The following CCM2L variants were observed in gnomAD, a reference collection of about 807,000 sequenced individuals.
The protein encoded by CCM2L is cerebral cavernous malformations 2 protein-like.
A neutral mutation model predicts 54.1 loss-of-function variants in CCM2L; 36 were observed. The ratio of observed to expected loss-of-function variants is 0.67; its 90% CI spans 0.51 to 0.88. CCM2L has a LOEUF of 0.88. CCM2L is among the 40% of genes least tolerant of loss of function. The probability of loss-of-function intolerance (pLI) is 0.00; values close to 1 mark genes in which losing one functional copy is unlikely to be tolerated. For missense variants in CCM2L, 700 were observed against 812.1 expected (o/e 0.86, Z 1.68); for synonymous variants, 351 against 359.3 (o/e 0.98, Z 0.26).
Position 32,019,426 on chromosome 20 carries a change from C to T in CCM2L, c.933+17C>T. ...GCCAACAGGGTGAGCCCGAGGGCAG[C>T]CTGCTCCCAAAGCCCGGCTTCGGGA... On this transcript the variant is annotated intron_variant, in intron 5 of 9. Coordinates refer to ENST00000452892, the MANE Select transcript of CCM2L (RefSeq NM_001365692.1). 1 of 1,484,332 alleles carries T rather than the reference C, an allele frequency of 6.7e-7. No homozygotes were observed. Among genetic ancestry groups the T allele is most frequent in the Non-Finnish European group, 8.9e-7 (1 of 1,122,538 alleles). 91.9% of individuals were successfully genotyped at this position (1,484,332 alleles called of 1,614,324 possible). A position where few individuals can be genotyped will look rare whatever the true frequency, so the allele number is the denominator to read the frequency against.
intron 1 of CCM2L, among the ~76,000 whole-genome samples, chr20:32,013,549 C>G (rs951811162): frequency 6.6e-6 from 1 of 152,154 alleles, no homozygotes; most frequent in Non-Finnish European, 1.5e-5. Context: ...TCAGGTGATC[C>G]TCCCACCTTG....
intron 1 of CCM2L, 52 bp downstream of exon 1, chr20:32,010,536 G>C (rs1359861615): frequency 7.0e-7 from 1 of 1,438,376 alleles, no homozygotes; most frequent in Non-Finnish European, 9.5e-7. Flanking sequence ...CCAAAGCTGG[G>C]GAAGGGGGCA....
intron 3 of CCM2L, 24 bp from the exon 4 acceptor site, chr20:32,017,955 C>T: frequency 6.2e-7 from 1 of 1,613,318 alleles, no homozygotes; most frequent in Non-Finnish European, 8.5e-7. Context: ...ACCTCGGGAA[C>T]TCGAGATCTG....
intron 2 of CCM2L, among the ~76,000 whole-genome samples, chr20:32,016,578 C>T (rs1039393137): frequency 1.3e-5 from 2 of 151,818 alleles, no homozygotes; most frequent in Non-Finnish European, 2.9e-5. Flanking sequence ...ATCGCTTGAA[C>T]CTGGGAGGCA....
intron 2 of CCM2L, 74 bp downstream of exon 2, chr20:32,015,145 TG>T (rs2064731182): frequency 7.3e-7 from 1 of 1,375,274 alleles, no homozygotes; most frequent in African/African-American, 1.5e-5. Context: ...CACCAAGTTC[TG>T]ATCAGCCGTA....
chr20:32,013,696 T>G (rs552086053), intron 1 of CCM2L, among the ~76,000 whole-genome samples: 3 of 152,212 alleles, frequency 2.0e-5, no homozygotes, highest in Non-Finnish European at 4.4e-5. Context: ...GCTCTCCTCC[T>G]GCCTCAGCCT....
Position 32,018,950 on chromosome 20 carries a change from T to C in CCM2L, c.474T>C (p.Gly158=), listed in dbSNP as rs1443215892. The change falls in exon 5 of 10, where the codon GGT becomes GGC. Residue 158 remains glycine (G), a synonymous_variant. Coordinates refer to ENST00000452892, the MANE Select transcript of CCM2L (RefSeq NM_001365692.1). ...TCCCCCGGACTCTCCTAGGTCTGGG[T>C]GTGGACCCGGTGCCGGCCGGCGTGG... The part of the protein sequence containing the change: ...LHLLVLKTGL[G]VDPVPAGVDA... The C allele has an allele frequency of 6.4e-6, 9 of 1,397,916 alleles. No individual in the cohort carries two copies. Among genetic ancestry groups the C allele is most frequent in the Non-Finnish European group, 8.3e-6 (9 of 1,080,038 alleles). 86.6% of individuals were successfully genotyped at this position (1,397,916 alleles called of 1,614,324 possible). A position where few individuals can be genotyped will look rare whatever the true frequency, so the allele number is the denominator to read the frequency against.
chr20:32,024,328 A>G (rs1306923460), intron 6 of CCM2L, among the ~76,000 whole-genome samples: 1 of 152,236 alleles, frequency 6.6e-6, no homozygotes, highest in Non-Finnish European at 1.5e-5. Flanking sequence ...CAACTCTCAC[A>G]AGGATGATAG....
At chr20:32,013,966 G>A (rs1396263597) in intron 1 of CCM2L, among the ~76,000 whole-genome samples, 1 of 152,114 alleles carries the variant, frequency 6.6e-6, no homozygotes, top group African/African-American at 2.4e-5. Context: ...GGAATCTCAT[G>A]TTGAGAAATG....
At chr20:32,017,928 C>T in intron 3 of CCM2L, 45 bp downstream of exon 3, 1 of 1,613,434 alleles carries the variant, frequency 6.2e-7, no homozygotes, top group South Asian at 1.1e-5. Context: ...GCTCCCTTCT[C>T]CCTCTTCTAC....
Position 32,018,929 on chromosome 20 carries a change from C to A in CCM2L, c.467-14C>A. ...CCCGATCCCCGCGGCTGACGGTCCCCCGGACTCTCCTAGGTCTGGGTGTGG... is the reference window on the plus strand; with the variant it reads ...CCCGATCCCCGCGGCTGACGGTCCCACGGACTCTCCTAGGTCTGGGTGTGG... On this transcript the variant is annotated splice_polypyrimidine_tract_variant and intron_variant, in intron 4 of 9. Transcript: ENST00000452892. The A allele has an allele frequency of 7.5e-7, 1 of 1,326,526 alleles. No individual in the cohort carries two copies. Among genetic ancestry groups the A allele is most frequent in the Non-Finnish European group, 9.6e-7 (1 of 1,040,506 alleles). The allele number at this position is 1,326,526 out of a possible 1,614,324, so 82.2% of individuals were successfully genotyped here.
In CCM2L at chr20:32,018,102, G is replaced by T; in HGVS notation, c.406G>T (p.Glu136Ter). The change falls in exon 4 of 10, where the codon GAG becomes TAG. Residue 136 changes from glutamate (E) to a stop codon, truncating the protein, a stop_gained. Transcript: ENST00000452892. LOFTEE classifies it high-confidence loss of function. ...GCTCATTCTGCGAATCCCTACGCACGAGATCGCCGCCGCCTCCTACCTGCA... is the reference window on the plus strand; with the variant it reads ...GCTCATTCTGCGAATCCCTACGCACTAGATCGCCGCCGCCTCCTACCTGCA... ...EELILRIPTH[E>*]IAAASYLQDD... The T allele has an allele frequency of 1.2e-6, 2 of 1,611,438 alleles. No individual in the cohort carries two copies. The highest frequency in any genetic ancestry group is 1.1e-5 in the South Asian group (1 of 90,854).
intron 8 of CCM2L, 149 bp from the exon 9 acceptor site, chr20:32,029,551 G>C: frequency 1.0e-6 from 1 of 1,001,394 alleles, no homozygotes; most frequent in Non-Finnish European, 1.4e-6. Context: ...GCAGCCTAAG[G>C]GATCTAGATG....
intron 2 of CCM2L, among the ~76,000 whole-genome samples, chr20:32,017,272 T>C (rs1350969878): frequency 2.0e-5 from 3 of 152,264 alleles, no homozygotes; most frequent in African/African-American, 7.2e-5. Context: ...TGATCCAACA[T>C]TCTTCCCTTT....
chr20:32,022,903 T>C (rs2064819295), intron 6 of CCM2L, 108 bp downstream of exon 6: 1 of 1,229,798 alleles, frequency 8.1e-7, no homozygotes, highest in East Asian at 2.5e-5. Context: ...GGGCTCCTGA[T>C]CTCTGCCATA....
intron 4 of CCM2L, 46 bp downstream of exon 4, chr20:32,018,208 CGGGGGAGGGGCGGGGGCG>C (rs1568914930): frequency 1.8e-4 from 2 of 10,992 alleles, no homozygotes; most frequent in African/African-American, 2.7e-3. Flanking sequence ...GGGGCGGGGG[CGGGGGAGGGGCGGGGGCG>C]GGGGCGGGGC....
Position 32,029,123 on chromosome 20 carries a change from C to T in CCM2L, c.1262C>T (p.Thr421Met), listed in dbSNP as rs954467952. The change falls in exon 8 of 10, where the codon ACG becomes ATG. Residue 421 changes from threonine (T) to methionine (M), a missense_variant and splice_region_variant. By Grantham distance (81) the Thr-to-Met change is moderately conservative. Coordinates refer to ENST00000452892, the MANE Select transcript of CCM2L (RefSeq NM_001365692.1). The stretch of plus-strand genomic sequence containing the variant: ...GAGCAGTTACAGGATTACATGGTCA[C>T]GGTGAGCTGGGGCCGGTGGTGGGAA... ...GLEQLQDYMV[T>M]LRSKLGPLEI... The T allele has an allele frequency of 6.8e-6, 11 of 1,614,062 alleles. No individual in the cohort carries two copies. The highest frequency in any genetic ancestry group is 2.2e-5 in the East Asian group (1 of 44,886).
At chr20:32,026,096 G>A (rs1245231248) in intron 7 of CCM2L, among the ~76,000 whole-genome samples, 177 bp downstream of exon 7, 1 of 152,290 alleles carries the variant, frequency 6.6e-6, no homozygotes, top group Admixed American at 6.5e-5. Flanking sequence ...CCAGACCCTT[G>A]AGAGACCCAG....
Position 32,029,001 on chromosome 20 carries a change from C to A in CCM2L, c.1140C>A (p.Gly380=), listed in dbSNP as rs1210406719. The change falls in exon 8 of 10, where the codon GGC becomes GGA. Residue 380 remains glycine, a synonymous_variant. Transcript: ENST00000452892. The part of the protein sequence containing the change: ...ADFSCCSSFN[G]SQDTFEACYS... ...CTTCTTCCCGTGCCTGCAGTAATGGCTCCCAGGACACCTTTGAAGCATGTT... is the reference window on the plus strand; with the variant it reads ...CTTCTTCCCGTGCCTGCAGTAATGGATCCCAGGACACCTTTGAAGCATGTT... 1 of 1,614,028 alleles carries A rather than the reference C, an allele frequency of 6.2e-7. No individual in the cohort carries two copies. Among genetic ancestry groups the A allele is most frequent in the Admixed American group, 1.7e-5 (1 of 60,000 alleles).
Sources: gnomAD v4.1 joint callset for allele counts (sites outside exome capture counted in the v4.1 genomes callset) on GRCh38, gnomAD v4.1.1 for gene constraint, MANE v1.5 for transcripts, NCBI Gene and HGNC (gene_info 2026-07-23, HGNC 2026-07-21) for gene names.